Variants in QTMAN observed in about 807,000 individuals in gnomAD.
QTMAN encodes tRNA-queuosine alpha-mannosyltransferase.
At chr2:144,009,305 G>A in the QTMAN span, among the ~76,000 whole-genome samples, 1 of 152,100 alleles carries the variant, frequency 6.6e-6, no homozygotes, top group Non-Finnish European at 1.5e-5. Context: ...GAGGTGAACA[G>A]AGGTGGAGAT....
At chr2:144,242,137 G>A in the QTMAN span, among the ~76,000 whole-genome samples, 1 of 152,196 alleles carries the variant, frequency 6.6e-6, no homozygotes, top group Non-Finnish European at 1.5e-5. Context: ...AGCTAAAGTA[G>A]TTAAATGGGT....
chr2:144,019,435 G>GGGGTGT, the QTMAN span, among the ~76,000 whole-genome samples: 456 of 117,264 alleles, frequency 3.9e-3, 2 homozygotes, highest in Middle Eastern at 0.017. Flanking sequence ...TAAGCATGCA[G>GGGGTGT]GTGTGTGTGT....
chr2:144,127,742 T>G, the QTMAN span, among the ~76,000 whole-genome samples: 1 of 152,102 alleles, frequency 6.6e-6, no homozygotes, highest in South Asian at 2.1e-4. Flanking sequence ...TCACTTGATC[T>G]CTAGGACTTA....
At chr2:144,221,240 T>C in the QTMAN span, among the ~76,000 whole-genome samples, 1 of 152,220 alleles carries the variant, frequency 6.6e-6, no homozygotes, top group Non-Finnish European at 1.5e-5. Context: ...GCTTGAAAAC[T>C]ATGCATATCT....
At chr2:144,133,222 A>T in the QTMAN span, among the ~76,000 whole-genome samples, 1 of 74,628 alleles carries the variant, frequency 1.3e-5, no homozygotes, top group African/African-American at 6.0e-5. Context: ...TACATATATA[A>T]ATATATATTT....
At chr2:144,212,604 C>T in the QTMAN span, among the ~76,000 whole-genome samples, 1 of 152,164 alleles carries the variant, frequency 6.6e-6, no homozygotes, top group Non-Finnish European at 1.5e-5. Context: ...CTGCATGGCG[C>T]TCAGAATAGT....
At chr2:144,095,250 A>T in the QTMAN span, among the ~76,000 whole-genome samples, 1 of 152,184 alleles carries the variant, frequency 6.6e-6, no homozygotes, top group African/African-American at 2.4e-5. Flanking sequence ...TGTCCATTAC[A>T]TTAGAAATTC....
At chr2:144,011,729 G>T in the QTMAN span, 12 of 984,776 alleles carry the variant, frequency 1.2e-5, no homozygotes, top group Non-Finnish European at 1.3e-5. Context: ...TGCTGTCCTG[G>T]CATTAATTCA....
the QTMAN span, among the ~76,000 whole-genome samples, chr2:144,223,918 G>A: frequency 6.7e-3 from 1,016 of 152,246 alleles, 6 homozygotes; most frequent in Non-Finnish European, 0.011. Flanking sequence ...TTCCAGGCCT[G>A]TTTCTAGTTT....
At chr2:144,062,209 G>A in the QTMAN span, among the ~76,000 whole-genome samples, 2 of 152,186 alleles carry the variant, frequency 1.3e-5, no homozygotes, top group African/African-American at 4.8e-5. Context: ...TGGGGCTGGA[G>A]CCCAAAAGCA....
the QTMAN span, among the ~76,000 whole-genome samples, chr2:144,125,760 A>G: frequency 6.6e-6 from 1 of 152,140 alleles, no homozygotes; most frequent in African/African-American, 2.4e-5. Flanking sequence ...AATACCCATG[A>G]AACATGCTAC....
chr2:144,129,273 G>A, the QTMAN span, among the ~76,000 whole-genome samples: 1 of 151,798 alleles, frequency 6.6e-6, no homozygotes, highest in Non-Finnish European at 1.5e-5. Flanking sequence ...CTCTCTAAAT[G>A]TAAATAAATT....
the QTMAN span, among the ~76,000 whole-genome samples, chr2:144,103,366 T>A: frequency 1.3e-5 from 2 of 152,220 alleles, no homozygotes; most frequent in Non-Finnish European, 2.9e-5. Context: ...TATCTGTTCA[T>A]CTGTTCATGC....
chr2:144,100,712 A>ATAC, the QTMAN span, among the ~76,000 whole-genome samples: 1 of 152,144 alleles, frequency 6.6e-6, no homozygotes, highest in Non-Finnish European at 1.5e-5. Flanking sequence ...TGACTTACTT[A>ATAC]TACAGGTAGG....
the QTMAN span, among the ~76,000 whole-genome samples, chr2:144,251,331 T>C: frequency 0.041 from 6,294 of 152,144 alleles, 453 homozygotes; most frequent in African/African-American, 0.14. Context: ...AACAGACAAA[T>C]AGATCAATGG....
At chr2:144,151,785 G>C in the QTMAN span, among the ~76,000 whole-genome samples, 1 of 152,176 alleles carries the variant, frequency 6.6e-6, no homozygotes, top group South Asian at 2.1e-4. Context: ...CTTGTGTAGA[G>C]AGATAACTGA....
At chr2:144,103,271 C>T in the QTMAN span, among the ~76,000 whole-genome samples, 1 of 152,148 alleles carries the variant, frequency 6.6e-6, no homozygotes, top group Non-Finnish European at 1.5e-5. Flanking sequence ...GTGGGGAATA[C>T]AATGCTATGT....
the QTMAN span, among the ~76,000 whole-genome samples, chr2:144,304,784 C>T: frequency 6.6e-6 from 1 of 152,092 alleles, no homozygotes; most frequent in African/African-American, 2.4e-5. Flanking sequence ...AGTAGAACTT[C>T]CAGAGGTAAA....
At chr2:144,049,498 T>A in the QTMAN span, among the ~76,000 whole-genome samples, 2 of 152,114 alleles carry the variant, frequency 1.3e-5, no homozygotes, top group African/African-American at 4.8e-5. Context: ...GATATGTAAA[T>A]AATTGGTAAA....
Sources: allele counts gnomAD v4.1 joint callset (sites outside exome capture counted in the v4.1 genomes callset), GRCh38; gene constraint gnomAD v4.1.1; transcripts MANE v1.5; gene names NCBI Gene and HGNC (gene_info 2026-07-23, HGNC 2026-07-21).